DCTN5: variants seen among roughly 807,000 people sequenced by gnomAD.
DCTN5 encodes the protein dynactin subunit 5.
A neutral mutation model predicts 23.5 loss-of-function variants in DCTN5; 14 were observed. The observed-to-expected ratio is 0.60, with a 90% confidence interval of 0.39 to 0.93. The LOEUF (loss-of-function observed/expected upper bound fraction) is 0.93. Ranked by LOEUF, DCTN5 falls within the 40% of genes least tolerant of loss-of-function variation. The pLI is 0.00. For synonymous variants in DCTN5, 67 were observed against 79.6 expected, an observed-to-expected ratio of 0.84 and a Z score of 0.84; for missense variants, 156 against 225.9, an observed-to-expected ratio of 0.69 and a Z score of 1.98.
chr16:23,667,653 C>G lies in DCTN5; in HGVS notation c.*509C>G, dbSNP rs1967931869. On this transcript the variant is annotated 3_prime_UTR_variant, in exon 6 of 6. Transcript: ENST00000300087. The stretch of plus-strand genomic sequence containing the variant: ...ATCATCTTGGGAAAGGTGTTTGTGA[C>G]TTTTCAGAGCCCAGATTCCTGTTGT... 6.4e-6 allele frequency: 1 copy of G among 156,244 alleles called. No individual in the cohort carries two copies. Among genetic ancestry groups the G allele is most frequent in the Admixed American group, 6.1e-5 (1 of 16,274 alleles). The allele number at this position is 156,244 out of a possible 1,614,324, so 9.7% of individuals were successfully genotyped here. A position where few individuals can be genotyped will look rare whatever the true frequency, so the allele number is the denominator to read the frequency against.
Position 23,673,981 on chromosome 16 carries a change from A to T in DCTN5, c.*6837A>T, listed in dbSNP as rs1300551742. ...AATTGGACTCTAAGACCAACAAGAT[A>T]AAAAGGCAGCCTTGCATGTCACTTG... is the stretch of plus-strand genomic sequence containing the variant. On this transcript the variant is annotated 3_prime_UTR_variant, in exon 6 of 6. Coordinates refer to ENST00000300087, the MANE Select transcript of DCTN5 (RefSeq NM_032486.4). 6.6e-6 allele frequency: 1 copy of T among 152,206 alleles called. No individual in the cohort carries two copies. The highest frequency in any genetic ancestry group is 1.5e-5 in the Non-Finnish European group (1 of 68,036). 9.4% of individuals were successfully genotyped at this position (152,206 alleles called of 1,614,324 possible).
chr16:23,645,106 TATATATATATATATATA>T (rs1967408716), intron 2 of DCTN5, among the ~76,000 whole-genome samples: 2 of 32,204 alleles, frequency 6.2e-5, no homozygotes, highest in Admixed American at 3.2e-4. Flanking sequence ...TATATATATA[TATATATATATATATATA>T]TATATATATA....
At chr16:23,650,831 G>A in intron 2 of DCTN5, 1 of 1,485,996 alleles carries the variant, frequency 6.7e-7, no homozygotes, top group Non-Finnish European at 9.1e-7. Context: ...GAGATCAGAT[G>A]AGTCAGTAAG....
At position 23,661,164 on chromosome 16, in the gene DCTN5, T is replaced by C. The variant is rs367582816; in HGVS notation, c.237-6T>C. On this transcript the variant is annotated splice_polypyrimidine_tract_variant and splice_region_variant and intron_variant, in intron 3 of 5. Transcript: ENST00000300087. ...TTTCTGTGTTCATCTTCTTTTCCTC[T>C]TCTAGTGTTGCATTCTTTCCTTTAC... The C allele has an allele frequency of 1.6e-4, 256 of 1,601,486 alleles. No homozygotes were observed. Among genetic ancestry groups the C allele is most frequent in the Middle Eastern group, 3.3e-4 (2 of 6,046 alleles).
rs1222048370 is a variant in DCTN5 at position 23,669,332 on chromosome 16, G to A, written c.*2188G>A. 6.6e-6 allele frequency: 1 copy of A among 152,246 alleles called. No individual in the cohort carries two copies. Among genetic ancestry groups the A allele is most frequent in the East Asian group, 1.9e-4 (1 of 5,192 alleles). The allele number at this position is 152,246 out of a possible 1,614,324, so 9.4% of individuals were successfully genotyped here. On this transcript the variant is annotated 3_prime_UTR_variant, in exon 6 of 6. Transcript: ENST00000300087. Reference sequence around the variant, plus strand: ...ATCCCAGGACTCCAAACAGGGATCTGTCTCTTTGGCTCTCAGCTCTGCTTT... The same window carrying A: ...ATCCCAGGACTCCAAACAGGGATCTATCTCTTTGGCTCTCAGCTCTGCTTT...
Position 23,673,578 on chromosome 16 carries a change from T to C in DCTN5, c.*6434T>C, listed in dbSNP as rs1248377887. 6.6e-6 allele frequency: 1 copy of C among 152,234 alleles called. No homozygotes were observed. Among genetic ancestry groups the C allele is most frequent in the Non-Finnish European group, 1.5e-5 (1 of 68,052 alleles). The allele number at this position is 152,234 out of a possible 1,614,324, so 9.4% of individuals were successfully genotyped here. Reference sequence around the variant, plus strand: ...GGCGTGCGCCTGTAGTCCCAGCTACTCATCTCTTAAAAAAAAAGTTTTATG... The same window carrying C: ...GGCGTGCGCCTGTAGTCCCAGCTACCCATCTCTTAAAAAAAAAGTTTTATG... On this transcript the variant is annotated 3_prime_UTR_variant, in exon 6 of 6. Transcript: ENST00000300087.
intron 2 of DCTN5, among the ~76,000 whole-genome samples, chr16:23,655,222 G>C: frequency 6.6e-6 from 1 of 152,146 alleles, no homozygotes; most frequent in East Asian, 1.9e-4. Context: ...TACAAAAGTA[G>C]AGAGGATATA....
intron 2 of DCTN5, among the ~76,000 whole-genome samples, chr16:23,645,764 G>A (rs1967444901): frequency 1.3e-5 from 2 of 152,102 alleles, no homozygotes; most frequent in Admixed American, 6.5e-5. Flanking sequence ...ATACTCCATT[G>A]TATGTATATG....
Position 23,665,479 on chromosome 16 carries a change from G to A in DCTN5, c.349-147G>A, listed in dbSNP as rs746513287. On this transcript the variant is annotated intron_variant, in intron 4 of 5. Coordinates refer to ENST00000300087, the MANE Select transcript of DCTN5 (RefSeq NM_032486.4). The stretch of plus-strand genomic sequence containing the variant: ...CTCACAACCTTGCTGCCTCCTTCTC[G>A]TCAGGTACCACCTGAAGCAGGAAGT... 163 of 673,548 alleles carry A rather than the reference G, an allele frequency of 2.4e-4. 1 individual carries two copies. The East Asian group carries it at 4.0e-3, about 16-fold the overall frequency. The allele number at this position is 673,548 out of a possible 1,614,324, so 41.7% of individuals were successfully genotyped here.
intron 4 of DCTN5, among the ~76,000 whole-genome samples, chr16:23,662,242 G>A (rs1284787914): frequency 6.6e-6 from 1 of 152,130 alleles, no homozygotes; most frequent in Non-Finnish European, 1.5e-5. Context: ...GGGAAGACAG[G>A]CATTTCAGGA....
rs1198708878 is a variant in DCTN5 at position 23,668,008 on chromosome 16, C to G, written c.*864C>G. On this transcript the variant is annotated 3_prime_UTR_variant, in exon 6 of 6. Coordinates refer to ENST00000300087, the MANE Select transcript of DCTN5 (RefSeq NM_032486.4). ...TTTGCCATAAACTCCACAATTCACA[C>G]CAAAATGTCTGTACTTAGAGCTAAT... 6.6e-6 allele frequency: 1 copy of G among 152,236 alleles called. No individual in the cohort carries two copies. Among genetic ancestry groups the G allele is most frequent in the East Asian group, 1.9e-4 (1 of 5,196 alleles). The allele number at this position is 152,236 out of a possible 1,614,324, so 9.4% of individuals were successfully genotyped here.
intron 2 of DCTN5, among the ~76,000 whole-genome samples, chr16:23,650,329 TTTA>T (rs1293072395): frequency 2.0e-5 from 3 of 152,058 alleles, no homozygotes; most frequent in Non-Finnish European, 4.4e-5. Flanking sequence ...TGCATTTTAT[TTTA>T]TTTTCTTTTA....
chr16:23,650,409 C>T (rs1462033002), intron 2 of DCTN5, among the ~76,000 whole-genome samples: 7 of 151,900 alleles, frequency 4.6e-5, no homozygotes, highest in Non-Finnish European at 7.4e-5. Context: ...ACTGCAACCT[C>T]CAGGTTCAAG....
Position 23,658,637 on chromosome 16 carries a change from A to G in DCTN5, c.236+12A>G. Reference sequence around the variant, plus strand: ...AAGTTCAGCAAAGGGTATGTAATTTAATTACTTTGTTCAAGTCTTGGGCAA... The same window carrying G: ...AAGTTCAGCAAAGGGTATGTAATTTGATTACTTTGTTCAAGTCTTGGGCAA... On this transcript the variant is annotated intron_variant, in intron 3 of 5. Transcript: ENST00000300087. 6.2e-7 allele frequency: 1 copy of G among 1,606,004 alleles called. No individual in the cohort carries two copies. The highest frequency in any genetic ancestry group is 8.5e-7 in the Non-Finnish European group (1 of 1,172,630).
intron 4 of DCTN5, among the ~76,000 whole-genome samples, chr16:23,664,648 A>C (rs1381130310): frequency 6.6e-6 from 1 of 152,260 alleles, no homozygotes; most frequent in Non-Finnish European, 1.5e-5. Flanking sequence ...CCCATGAAAC[A>C]GATGAGTCTC....
chr16:23,661,805 C>G (rs1034874207), intron 4 of DCTN5, among the ~76,000 whole-genome samples: 17 of 151,940 alleles, frequency 1.1e-4, no homozygotes, highest in African/African-American at 4.1e-4. Context: ...TTTATCAAGT[C>G]TCCTCTATAT....
Position 23,665,635 on chromosome 16 carries a change from T to A in DCTN5, c.358T>A (p.Cys120Ser). 6.2e-7 allele frequency: 1 copy of A among 1,613,088 alleles called. No individual in the cohort carries two copies. The highest frequency in any genetic ancestry group is 8.5e-7 in the Non-Finnish European group (1 of 1,179,820). Residue 120 changes from cysteine (C) to serine (S), a missense_variant, in exon 5 of 6, where the codon TGT becomes AGT. By Grantham distance (112) the Cys-to-Ser change is moderately radical. Coordinates refer to ENST00000300087, the MANE Select transcript of DCTN5 (RefSeq NM_032486.4). Reference sequence around the variant, plus strand: ...AAGATTTTAATTTCAGGGGCGCCGATGTGTGTTGAAAGACTGCTGCAAAAT... The same window carrying A: ...AAGATTTTAATTTCAGGGGCGCCGAAGTGTGTTGAAAGACTGCTGCAAAAT... ...VGKNCVIGRR[C>S]VLKDCCKILD...
At chr16:23,650,476 G>A (rs908626208) in intron 2 of DCTN5, among the ~76,000 whole-genome samples, 2 of 145,732 alleles carry the variant, frequency 1.4e-5, no homozygotes, top group Non-Finnish European at 1.5e-5. Flanking sequence ...ACCACACCTG[G>A]CTAATTTTTT....
intron 2 of DCTN5, among the ~76,000 whole-genome samples, chr16:23,651,554 A>G (rs1164622859): frequency 6.6e-6 from 1 of 152,218 alleles, no homozygotes; most frequent in African/African-American, 2.4e-5. Context: ...CACCATCACC[A>G]AATACCCAGG....
Sources: gnomAD v4.1 joint callset for allele counts (sites outside exome capture counted in the v4.1 genomes callset) on GRCh38, gnomAD v4.1.1 for gene constraint, MANE v1.5 for transcripts, NCBI Gene and HGNC (gene_info 2026-07-23, HGNC 2026-07-21) for gene names.